The following RREB1 variants were observed in gnomAD, a reference collection of about 807,000 sequenced individuals.
The protein encoded by RREB1 is ras-responsive element-binding protein 1.
Under a neutral mutation model 117.8 loss-of-function variants are expected in RREB1, and 27 were observed. The observed-to-expected ratio is 0.23, with a 90% CI of 0.17 to 0.32. The LOEUF (loss-of-function observed/expected upper bound fraction) is 0.32, where lower values mean the gene tolerates loss of function less well. RREB1 is among the 10% of genes least tolerant of loss of function. The pLI is 1.00. For synonymous variants in RREB1, 1,298 were observed against 1,026.7 expected (o/e 1.26, Z -5.05); for missense variants, 2,577 against 2,378.2 (o/e 1.08, Z -1.74).
intron 5 of RREB1, 24 bp from the exon 6 acceptor site, chr6:7,189,135 C>A (rs528384705): frequency 1.2e-5 from 19 of 1,599,440 alleles, no homozygotes; most frequent in Non-Finnish European, 1.4e-5. Flanking sequence ...CTTAAGTGAC[C>A]GCTGTGACCA....
intron 1 of RREB1, among the ~76,000 whole-genome samples, chr6:7,170,958 TA>T (rs1561758468): frequency 6.6e-6 from 1 of 152,148 alleles, no homozygotes; most frequent in Non-Finnish European, 1.5e-5. Flanking sequence ...TCTGACTCGG[TA>T]GGTCTGGGGT....
chr6:7,117,826 C>T (rs916683916), intron 1 of RREB1, among the ~76,000 whole-genome samples: 1 of 152,052 alleles, frequency 6.6e-6, no homozygotes, highest in Non-Finnish European at 1.5e-5. Flanking sequence ...GTCCTCCTAC[C>T]TCAGCCTCCC....
intron 11 of RREB1, among the ~76,000 whole-genome samples, chr6:7,241,982 G>C (rs940958003): frequency 2.0e-5 from 3 of 152,194 alleles, no homozygotes; most frequent in African/African-American, 7.2e-5. Context: ...TGGCAGGCAC[G>C]CGTTTGCTGC....
intron 1 of RREB1, among the ~76,000 whole-genome samples, chr6:7,154,822 TTGAA>T (rs1372202155): frequency 6.6e-6 from 1 of 152,216 alleles, no homozygotes; most frequent in African/African-American, 2.4e-5. Flanking sequence ...TCATTTTTTC[TTGAA>T]TGGAGACAGT....
chr6:7,169,839 A>G (rs1035727355), intron 1 of RREB1, among the ~76,000 whole-genome samples: 6 of 152,212 alleles, frequency 3.9e-5, no homozygotes, highest in Admixed American at 3.9e-4. Context: ...GGCATTGTCC[A>G]GAAAATCTCC....
intron 10 of RREB1, among the ~76,000 whole-genome samples, chr6:7,236,335 C>T (rs1349246554): frequency 2.6e-5 from 4 of 152,112 alleles, no homozygotes; most frequent in Admixed American, 2.0e-4. Flanking sequence ...GTGCTTTGAG[C>T]GCCTTTTTTG....
chr6:7,240,705 C>G lies in RREB1; in HGVS notation c.3973+103C>G. The G allele has an allele frequency of 4.7e-6, 5 of 1,054,986 alleles. No homozygotes were observed. The South Asian group carries it at 8.3e-5, about 17-fold the overall frequency. The allele number at this position is 1,054,986 out of a possible 1,614,324, so 65.4% of individuals were successfully genotyped here. A position where few individuals can be genotyped will look rare whatever the true frequency, so the allele number is the denominator to read the frequency against. On this transcript the variant is annotated intron_variant, in intron 11 of 12. Coordinates refer to ENST00000379938, the MANE Select transcript of RREB1 (RefSeq NM_001003699.4). The stretch of plus-strand genomic sequence containing the variant: ...CCGAGCTGTGGAGGGGCTGCTTGTT[C>G]ACTTCTCTGTAGGATTCAGAGCCCA...
intron 1 of RREB1, among the ~76,000 whole-genome samples, chr6:7,159,153 A>G (rs1763528996): frequency 6.6e-6 from 1 of 152,210 alleles, no homozygotes; most frequent in African/African-American, 2.4e-5. Context: ...TAAAAGGATC[A>G]CTAAGGCCCC....
At chr6:7,159,842 A>G (rs1180020288) in intron 1 of RREB1, among the ~76,000 whole-genome samples, 1 of 152,176 alleles carries the variant, frequency 6.6e-6, no homozygotes, top group African/African-American at 2.4e-5. Context: ...GGCTGATCAA[A>G]TTTATGGACT....
rs147528961 is a variant in RREB1 at position 7,229,033 on chromosome 6, G to A, written c.934G>A (p.Glu312Lys). The A allele has an allele frequency of 1.8e-5, 28 of 1,542,140 alleles. No individual in the cohort carries two copies. The highest frequency in any genetic ancestry group is 2.8e-5 in the African/African-American group (2 of 72,664). Residue 312 changes from glutamate to lysine, a missense_variant, in exon 10 of 13, where the codon GAG becomes AAG. Physicochemically the swap from Glu to Lys is moderately conservative, Grantham distance 56. Transcript: ENST00000379938. This position sits in a 1 kb window ranked among gnomAD's most constrained non-coding sequence, Gnocchi z 4.5. ...CETNLRRCISEQHRFVCDTCD... is the reference protein window; with the variant it reads ...CETNLRRCISKQHRFVCDTCD... ...AACAAACCTGCGGAGGTGCATCAGC[G>A]AGCAACACCGTTTTGTCTGCGACAC... is the stretch of plus-strand genomic sequence containing the variant.
chr6:7,200,242 ATATGTGTG>A (rs1362811499), intron 6 of RREB1, among the ~76,000 whole-genome samples: 6 of 104,420 alleles, frequency 5.7e-5, no homozygotes, highest in African/African-American at 1.1e-4. Context: ...GTATGTGTGT[ATATGTGTG>A]TGTGTGTGTG....
chr6:7,194,394 AC>A (rs1561773818), intron 6 of RREB1, among the ~76,000 whole-genome samples: 1 of 152,160 alleles, frequency 6.6e-6, no homozygotes, highest in African/African-American at 2.4e-5. Flanking sequence ...TACTAAAAAT[AC>A]AAAAAATTAG....
intron 1 of RREB1, among the ~76,000 whole-genome samples, chr6:7,133,606 TAAG>T (rs1455906742): frequency 3.3e-5 from 5 of 152,136 alleles, no homozygotes; most frequent in East Asian, 1.9e-4. Flanking sequence ...TTGTACATAA[TAAG>T]AAGGAATATG....
At chr6:7,194,526 G>A (rs1765573581) in intron 6 of RREB1, among the ~76,000 whole-genome samples, 1 of 152,204 alleles carries the variant, frequency 6.6e-6, no homozygotes, top group Admixed American at 6.5e-5. Flanking sequence ...ACTCCAGCGT[G>A]GGGAACAGAA....
chr6:7,173,992 G>T (rs142374705), intron 1 of RREB1, among the ~76,000 whole-genome samples: 63 of 152,184 alleles, frequency 4.1e-4, no homozygotes, highest in African/African-American at 1.5e-3. Flanking sequence ...CCCACAGAGG[G>T]ACTTCCGCCC....
At chr6:7,147,647 A>G (rs953600805) in intron 1 of RREB1, among the ~76,000 whole-genome samples, 2 of 152,222 alleles carry the variant, frequency 1.3e-5, no homozygotes, top group Non-Finnish European at 2.9e-5. Context: ...GTCTGCCTCC[A>G]TCAAGCTTCT....
At chr6:7,244,960 T>G (rs553363870) in intron 11 of RREB1, among the ~76,000 whole-genome samples, 1 of 152,320 alleles carries the variant, frequency 6.6e-6, no homozygotes, top group East Asian at 1.9e-4. Flanking sequence ...CAAGTGAGAA[T>G]CCAGGTTAGG....
rs143223150 is a variant in RREB1, at chr6:7,127,460, T to G, written c.-285+19400T>G. On this transcript the variant is annotated intron_variant, in intron 1 of 12. Transcript: ENST00000379938. Reference sequence around the variant, plus strand: ...AGGGGAAAGGTGGGAACATTTATTTTCAGCAAATATAATTCAACAATGTTT... The same window carrying G: ...AGGGGAAAGGTGGGAACATTTATTTGCAGCAAATATAATTCAACAATGTTT... Among the ~76,000 whole-genome samples the G allele has an allele frequency of 1.2e-3, 181 of 152,312 alleles. 1 individual carries two copies. The highest frequency in any genetic ancestry group is 3.4e-3 in the Middle Eastern group (1 of 294).
At chr6:7,191,780 T>C (rs1765420442) in intron 6 of RREB1, among the ~76,000 whole-genome samples, 3 of 152,196 alleles carry the variant, frequency 2.0e-5, no homozygotes, top group Admixed American at 1.3e-4. Flanking sequence ...CTAGTTAAAA[T>C]TTATATATTG....
Sources: gnomAD v4.1 joint callset for allele counts (sites outside exome capture counted in the v4.1 genomes callset) on GRCh38, gnomAD v4.1.1 for gene constraint, Gnocchi (gnomAD v3.1) non-coding constraint, MANE v1.5 for transcripts, NCBI Gene and HGNC (gene_info 2026-07-23, HGNC 2026-07-21) for gene names.